Variants in PGR observed in about 807,000 individuals in gnomAD.
PGR encodes progesterone receptor.
Under a neutral mutation model 76.1 loss-of-function variants are expected in PGR, and 25 were observed. The ratio of observed to expected loss-of-function variants is 0.33; its 90% CI spans 0.24 to 0.46. The LOEUF (loss-of-function observed/expected upper bound fraction) is 0.46. PGR is among the 20% of genes least tolerant of loss of function. PGR has a pLI of 1.00. For missense variants in PGR, 1,172 were observed against 1,225.3 expected (o/e 0.96, Z 0.65); for synonymous variants, 579 against 535.0 (o/e 1.08, Z -1.14).
chr11:101,106,321 C>A (rs1287847590), intron 2 of PGR, among the ~76,000 whole-genome samples: 2 of 152,156 alleles, frequency 1.3e-5, no homozygotes, highest in Non-Finnish European at 2.9e-5. Flanking sequence ...TTTTTGCAAT[C>A]TATCCATCTG....
At chr11:101,069,502 A>G (rs551716922) in intron 3 of PGR, among the ~76,000 whole-genome samples, 32 of 152,166 alleles carry the variant, frequency 2.1e-4, no homozygotes, top group African/African-American at 7.5e-4. Flanking sequence ...CAGTAATCCC[A>G]TTACTGGGTA....
At chr11:101,082,506 C>T (rs1861345791) in intron 3 of PGR, among the ~76,000 whole-genome samples, 2 of 152,114 alleles carry the variant, frequency 1.3e-5, no homozygotes, top group African/African-American at 4.8e-5. Flanking sequence ...GACCAAAATG[C>T]TGATAGTGAC....
chr11:101,059,172 C>A (rs1450902994), intron 4 of PGR, among the ~76,000 whole-genome samples: 1 of 151,822 alleles, frequency 6.6e-6, no homozygotes, highest in Middle Eastern at 3.2e-3. Flanking sequence ...TTATCAAAGT[C>A]TTGTTTCTCC....
At chr11:101,050,467 T>G (rs1001570192) in intron 5 of PGR, among the ~76,000 whole-genome samples, 1 of 152,086 alleles carries the variant, frequency 6.6e-6, no homozygotes, top group Non-Finnish European at 1.5e-5. Flanking sequence ...TAATTTTGTG[T>G]GCAATTAAAT....
chr11:101,092,012 T>C, intron 2 of PGR, 136 bp from the exon 3 acceptor site: 1 of 678,254 alleles, frequency 1.5e-6, no homozygotes, highest in East Asian at 2.7e-5. Context: ...CTGGCACAGC[T>C]GAATGTTGGT....
Position 101,036,483 on chromosome 11 carries a change from C to A in PGR, c.*2633G>T, listed in dbSNP as rs1162483974. 1 of 199,478 alleles carries A rather than the reference C, an allele frequency of 5.0e-6. No individual in the cohort carries two copies. The highest frequency in any genetic ancestry group is 6.0e-5 in the Admixed American group (1 of 16,592). 12.4% of individuals were successfully genotyped at this position (199,478 alleles called of 1,614,324 possible). ...AACCTGTCTTCTTATGATTTAGTGT[C>A]ATTTTAGAGCTACCAGAAAGAACAC... On this transcript the variant is annotated 3_prime_UTR_variant, in exon 8 of 8. Coordinates refer to ENST00000325455, the MANE Select transcript of PGR (RefSeq NM_000926.4).
intron 2 of PGR, among the ~76,000 whole-genome samples, chr11:101,116,836 G>A (rs1320051502): frequency 6.6e-6 from 1 of 150,734 alleles, no homozygotes; most frequent in Non-Finnish European, 1.5e-5. Context: ...CTTTTAGATA[G>A]CTCTCTATAC....
At chr11:101,069,068 G>A (rs764648666) in intron 3 of PGR, among the ~76,000 whole-genome samples, 6 of 151,916 alleles carry the variant, frequency 3.9e-5, no homozygotes, top group Non-Finnish European at 8.8e-5. Context: ...AACTATCATC[G>A]GAGTGAACAG....
chr11:101,049,135 A>C (rs538831822), intron 6 of PGR, among the ~76,000 whole-genome samples: 4 of 149,914 alleles, frequency 2.7e-5, no homozygotes, highest in African/African-American at 9.8e-5. Context: ...ACTAATACCC[A>C]AAACACACAT....
intron 3 of PGR, among the ~76,000 whole-genome samples, chr11:101,076,914 A>G (rs1220842222): frequency 7.9e-6 from 1 of 126,296 alleles, no homozygotes; most frequent in African/African-American, 2.8e-5. Flanking sequence ...AAAACTACAA[A>G]TGGAATTTTT....
At chr11:101,080,136 G>A (rs768447694) in intron 3 of PGR, among the ~76,000 whole-genome samples, 1 of 152,156 alleles carries the variant, frequency 6.6e-6, no homozygotes, top group Non-Finnish European at 1.5e-5. Context: ...TCTCCTTGGG[G>A]CTGAGCAGGG....
chr11:101,051,523 T>C lies in PGR; in HGVS notation c.2258A>G (p.Tyr753Cys). Residue 753 changes from tyrosine to cysteine, a missense_variant, in exon 5 of 8, where the codon TAT (tyrosine) becomes TGT (cysteine). By Grantham distance (194) the Tyr-to-Cys change is radical. Transcript: ENST00000325455. ...HIDDQITLIQ[Y>C]SWMSLMVFGL... ...AAACACCATTAAGCTCATCCAAGAA[T>C]ACTGAATGAGAGTTATCTGGTCATC... The C allele has an allele frequency of 6.2e-7, 1 of 1,609,938 alleles. No individual in the cohort carries two copies. Among genetic ancestry groups the C allele is most frequent in the Non-Finnish European group, 8.5e-7 (1 of 1,176,562 alleles).
intron 4 of PGR, among the ~76,000 whole-genome samples, chr11:101,054,203 T>A (rs1860207609): frequency 6.6e-6 from 1 of 152,132 alleles, no homozygotes; most frequent in South Asian, 2.1e-4. Context: ...TCTTTTTCTT[T>A]TGTTTTTAAA....
rs1415882766 is a variant in PGR at position 101,128,136 on chromosome 11, T to C, written c.935A>G (p.Asn312Ser). 3.1e-6 allele frequency: 5 copies of C among 1,597,776 alleles called. No individual in the cohort carries two copies. In the African/African-American group the frequency reaches 4.0e-5, roughly 13 times the overall value. Residue 312 changes from asparagine to serine, a missense_variant, in exon 1 of 8, where the codon AAT (asparagine) becomes AGT (serine). Coordinates refer to ENST00000325455, the MANE Select transcript of PGR (RefSeq NM_000926.4). ...AGTGCGGGCTGCCAATAAGGCGTGA[T>C]TGAGAGGCAGGATAGGCACGTGGAT... Reference protein sequence around the residue: ...DFIHVPILPLNHALLAARTRQ... With the variant: ...DFIHVPILPLSHALLAARTRQ...
rs1160330587 is a variant in PGR at position 101,037,634 on chromosome 11, C to G, written c.*1482G>C. Reference sequence around the variant, plus strand: ...AAGACACATAAAATACACTTCTATTCTTCTATGTTATAGTCAGTAAAGGGA... The same window carrying G: ...AAGACACATAAAATACACTTCTATTGTTCTATGTTATAGTCAGTAAAGGGA... On this transcript the variant is annotated 3_prime_UTR_variant, in exon 8 of 8. Coordinates refer to ENST00000325455, the MANE Select transcript of PGR (RefSeq NM_000926.4). 2 of 226,168 alleles carry G rather than the reference C, an allele frequency of 8.8e-6. No individual in the cohort carries two copies. The highest frequency in any genetic ancestry group is 1.8e-5 in the Non-Finnish European group (2 of 113,746). 14.0% of individuals were successfully genotyped at this position (226,168 alleles called of 1,614,324 possible).
At chr11:101,088,555 A>C (rs1861571073) in intron 3 of PGR, among the ~76,000 whole-genome samples, 1 of 152,172 alleles carries the variant, frequency 6.6e-6, no homozygotes, top group Middle Eastern at 3.4e-3. Flanking sequence ...GATGGTCTCC[A>C]TCTCCTGAAC....
intron 6 of PGR, among the ~76,000 whole-genome samples, chr11:101,048,551 A>T (rs181264364): frequency 3.7e-4 from 56 of 152,272 alleles, no homozygotes; most frequent in African/African-American, 1.3e-3. Context: ...CACAATGGTA[A>T]GTGTTTTGTA....
intron 2 of PGR, 60 bp from the exon 3 acceptor site, chr11:101,091,936 T>A: frequency 1.1e-6 from 1 of 876,354 alleles, no homozygotes; most frequent in South Asian, 1.4e-5. Flanking sequence ...GGAAATTCTA[T>A]GCAGTGACAA....
At chr11:101,091,493 C>T (rs1288410863) in intron 3 of PGR, among the ~76,000 whole-genome samples, 1 of 152,170 alleles carries the variant, frequency 6.6e-6, no homozygotes, top group African/African-American at 2.4e-5. Flanking sequence ...AATGACAGGT[C>T]AGTACATTGC....
Sources: allele counts gnomAD v4.1 joint callset (sites outside exome capture counted in the v4.1 genomes callset), GRCh38; gene constraint gnomAD v4.1.1; transcripts MANE v1.5; gene names NCBI Gene and HGNC (gene_info 2026-07-23, HGNC 2026-07-21).